Variants in TMA7B observed in about 807,000 individuals in gnomAD.
TMA7B encodes the protein translation machinery associated 7 homolog B, also known as translation machinery-associated protein 7B.
At chr22:39,964,059 G>A in the TMA7B span, 128 of 264,156 alleles carry the variant, frequency 4.8e-4, no homozygotes, top group African/African-American at 2.4e-3. Context: ...TTTACTCTCC[G>A]AGACCCTTTA....
At chr22:39,963,413 T>A in the TMA7B span, among the ~76,000 whole-genome samples, 1 of 152,306 alleles carries the variant, frequency 6.6e-6, no homozygotes, top group East Asian at 1.9e-4. Context: ...TCTGAGTTCT[T>A]TGAGGTGGTG....
At chr22:39,961,679 A>G in the TMA7B span, among the ~76,000 whole-genome samples, 1 of 152,238 alleles carries the variant, frequency 6.6e-6, no homozygotes, top group Non-Finnish European at 1.5e-5. Context: ...CAAGTCACGT[A>G]TCAGACTTCA....
the TMA7B span, chr22:39,964,611 T>A: frequency 1.4e-6 from 1 of 728,740 alleles, no homozygotes; most frequent in Non-Finnish European, 2.5e-6. Context: ...CTTTATTTCA[T>A]CCGTATTTAA....
the TMA7B span, among the ~76,000 whole-genome samples, chr22:39,962,757 A>G: frequency 6.6e-6 from 1 of 151,978 alleles, no homozygotes; most frequent in Non-Finnish European, 1.5e-5. Context: ...TCCCAGGTTC[A>G]AAGCAATTCT....
the TMA7B span, chr22:39,963,802 G>A: frequency 6.6e-6 from 1 of 152,530 alleles, no homozygotes; most frequent in Non-Finnish European, 1.5e-5. Context: ...CGGATCATGA[G>A]GTCAGGAGAT....
the TMA7B span, among the ~76,000 whole-genome samples, chr22:39,963,090 C>T: frequency 6.6e-6 from 1 of 152,190 alleles, no homozygotes; most frequent in Non-Finnish European, 1.5e-5. Flanking sequence ...GTGACAATTA[C>T]CGTAATCCTT....
chr22:39,960,459 A>G, the TMA7B span: 1 of 387,312 alleles, frequency 2.6e-6, no homozygotes, highest in Non-Finnish European at 4.8e-6. Flanking sequence ...CCTCTACTTC[A>G]TCTTTATGCC....
At chr22:39,964,335 T>C in the TMA7B span, 115 of 699,550 alleles carry the variant, frequency 1.6e-4, 4 homozygotes, top group South Asian at 1.7e-3. Context: ...AAAGAAGTTA[T>C]CGTCCAGTGG....
chr22:39,964,285 C>A, the TMA7B span: 3 of 649,428 alleles, frequency 4.6e-6, no homozygotes, highest in South Asian at 3.5e-5. Context: ...TGTGTCCCAT[C>A]ACTTGTGAGT....
chr22:39,961,847 A>G, the TMA7B span, among the ~76,000 whole-genome samples: 1 of 152,258 alleles, frequency 6.6e-6, no homozygotes, highest in South Asian at 2.1e-4. Flanking sequence ...TCCAATCTCA[A>G]GTAATAAACT....
At chr22:39,960,904 A>G in the TMA7B span, 2 of 151,990 alleles carry the variant, frequency 1.3e-5, no homozygotes, top group Admixed American at 1.3e-4. Flanking sequence ...GGTTTGATCT[A>G]AGGTAACAGA....
At chr22:39,964,715 TA>T in the TMA7B span, 48,356 of 306,850 alleles carry the variant, frequency 0.16, 3 homozygotes, top group East Asian at 0.24. Context: ...TAAACTTTTG[TA>T]AAAAAAAAAA....
chr22:39,963,701 A>G, the TMA7B span, among the ~76,000 whole-genome samples: 1 of 152,122 alleles, frequency 6.6e-6, no homozygotes, highest in South Asian at 2.1e-4. Context: ...CCTTCTTAAC[A>G]CAGGTCCCTA....
At chr22:39,964,672 A>C in the TMA7B span, 2 of 546,556 alleles carry the variant, frequency 3.7e-6, no homozygotes, top group Non-Finnish European at 6.5e-6. Context: ...GTTGGAATTA[A>C]GTGTCGTCTT....
the TMA7B span, chr22:39,964,729 A>AAAAC: frequency 2.0e-6 from 1 of 494,940 alleles, no homozygotes; most frequent in Non-Finnish European, 3.5e-6. Flanking sequence ...AAAAAAAAAA[A>AAAAC]AAAAATCTTC....
chr22:39,960,625 G>A, the TMA7B span: 1 of 159,014 alleles, frequency 6.3e-6, no homozygotes, highest in Non-Finnish European at 1.4e-5. Flanking sequence ...AGAAGAGTCA[G>A]AGAAAAATAG....
chr22:39,964,410 G>T, the TMA7B span: 1 of 822,486 alleles, frequency 1.2e-6, no homozygotes, highest in African/African-American at 1.7e-5. Flanking sequence ...AGAAGGCACT[G>T]AAACAGCCCA....
the TMA7B span, among the ~76,000 whole-genome samples, chr22:39,961,863 C>T: frequency 2.6e-5 from 4 of 152,184 alleles, no homozygotes; most frequent in Admixed American, 2.0e-4. Context: ...AAACTGTGGC[C>T]ACTTTGCTGT....
the TMA7B span, chr22:39,960,686 C>T: frequency 6.5e-6 from 1 of 154,018 alleles, no homozygotes. Flanking sequence ...AGTTGTGGCA[C>T]CTTTCTTTGC....
Sources: gnomAD v4.1 joint callset for allele counts (sites outside exome capture counted in the v4.1 genomes callset) on GRCh38, gnomAD v4.1.1 for gene constraint, MANE v1.5 for transcripts, NCBI Gene and HGNC (gene_info 2026-07-23, HGNC 2026-07-21) for gene names.